Variants in USP37 observed in about 807,000 individuals in gnomAD.
USP37 encodes the protein ubiquitin specific peptidase 37.
In USP37, 27 loss-of-function variants were observed where a neutral mutation model predicts 124.0. The observed-to-expected ratio is 0.22, with a 90% CI of 0.16 to 0.30. USP37 has a LOEUF of 0.30. Ranked by LOEUF, USP37 falls within the 10% of genes least tolerant of loss-of-function variation. USP37 has a pLI of 1.00. For synonymous variants in USP37, 365 were observed against 388.0 expected, an observed-to-expected ratio of 0.94 and a Z score of 0.70; for missense variants, 889 against 1,140.4, an observed-to-expected ratio of 0.78 and a Z score of 3.17.
intron 14 of USP37, among the ~76,000 whole-genome samples, chr2:218,493,531 CATA>C (rs1688909262): frequency 6.6e-6 from 1 of 151,486 alleles, no homozygotes; most frequent in South Asian, 2.1e-4. Context: ...AGTGCAATGG[CATA>C]ATCTCAGCTT....
At chr2:218,538,027 T>A (rs1027283730) in intron 8 of USP37, among the ~76,000 whole-genome samples, 1 of 152,090 alleles carries the variant, frequency 6.6e-6, no homozygotes, top group South Asian at 2.1e-4. Flanking sequence ...CATCATAAAA[T>A]GGAAGCAGGT....
intron 14 of USP37, among the ~76,000 whole-genome samples, chr2:218,493,031 C>T (rs1164360856): frequency 1.3e-5 from 2 of 151,806 alleles, no homozygotes; most frequent in Admixed American, 1.3e-4. Flanking sequence ...TTTTTTCCCT[C>T]ATATTCAAGA....
rs1337371056 is a variant in USP37, at chr2:218,543,525, A to AAAC, written c.680+2695_680+2696insGTT. On this transcript the variant is annotated intron_variant, in intron 8 of 25. Transcript: ENST00000258399. ...TCAAAAAAAAAAAAAAAAAAAAAAAAAAACAGGACAGGCGTGGTGGCTCAT... is the reference window on the plus strand; with the variant it reads ...TCAAAAAAAAAAAAAAAAAAAAAAAAAACAAACAGGACAGGCGTGGTGGCTCAT... Among the ~76,000 whole-genome samples the AAAC allele has an allele frequency of 6.2e-5, 9 of 145,708 alleles. 1 individual carries two copies. Among genetic ancestry groups the AAAC allele is most frequent in the Non-Finnish European group, 1.2e-4 (8 of 66,150 alleles).
At chr2:218,479,374 A>G (rs894401774) in intron 18 of USP37, among the ~76,000 whole-genome samples, 8 of 152,200 alleles carry the variant, frequency 5.3e-5, no homozygotes, top group Non-Finnish European at 1.2e-4. Flanking sequence ...TTAGAGTTTT[A>G]GGATGAAAGT....
At chr2:218,455,479 A>G in intron 25 of USP37, 101 bp downstream of exon 25, 1 of 1,488,462 alleles carries the variant, frequency 6.7e-7, no homozygotes, top group Non-Finnish European at 8.9e-7. Context: ...TTTTCAACCA[A>G]TCAACTGATG....
intron 8 of USP37, among the ~76,000 whole-genome samples, chr2:218,544,430 T>TATATATAGAG (rs377397246): frequency 1.4e-4 from 7 of 50,822 alleles, no homozygotes; most frequent in African/African-American, 8.0e-4. Flanking sequence ...TATATATATA[T>TATATATAGAG]AGAGAGAGAG....
chr2:218,556,186 C>G (rs180844803), intron 4 of USP37, among the ~76,000 whole-genome samples: 64 of 152,314 alleles, frequency 4.2e-4, no homozygotes, highest in African/African-American at 1.4e-3. Flanking sequence ...ATTTCTGTTA[C>G]TCACTCCTCA....
chr2:218,484,360 G>A (rs1691432631), intron 16 of USP37, among the ~76,000 whole-genome samples: 1 of 151,802 alleles, frequency 6.6e-6, no homozygotes, highest in Admixed American at 6.6e-5. Context: ...GGTGGCTTAT[G>A]CCTATAATCC....
chr2:218,554,694 T>C (rs1312181175), intron 4 of USP37, among the ~76,000 whole-genome samples: 2 of 151,300 alleles, frequency 1.3e-5, no homozygotes, highest in African/African-American at 4.9e-5. Flanking sequence ...CTGCAGTGAG[T>C]TGAGAGTGTG....
At chr2:218,465,288 A>G (rs1372593646) in intron 21 of USP37, among the ~76,000 whole-genome samples, 1 of 151,996 alleles carries the variant, frequency 6.6e-6, no homozygotes, top group African/African-American at 2.4e-5. Flanking sequence ...ATAATGCTGG[A>G]CTGGGAAGCC....
intron 2 of USP37, among the ~76,000 whole-genome samples, chr2:218,561,652 G>GGA (rs1201087521): frequency 2.9e-5 from 4 of 135,634 alleles, no homozygotes; most frequent in Non-Finnish European, 3.2e-5. Flanking sequence ...CTCTGTCTCA[G>GGA]AAAAAAAAAA....
At chr2:218,488,175 CAAAAAAA>C (rs66581703) in intron 15 of USP37, 122 bp downstream of exon 15, 935 of 348,576 alleles carry the variant, frequency 2.7e-3, no homozygotes, top group South Asian at 5.2e-3. Context: ...GACCCTGTCT[CAAAAAAA>C]AAAAAAAAAA....
intron 8 of USP37, among the ~76,000 whole-genome samples, chr2:218,536,227 TAG>T (rs1372582732): frequency 1.3e-5 from 2 of 152,172 alleles, no homozygotes; most frequent in Non-Finnish European, 2.9e-5. Context: ...CCCATATAAG[TAG>T]AGAGTGTCCA....
chr2:218,516,083 T>C (rs1690260054), intron 10 of USP37, among the ~76,000 whole-genome samples: 1 of 152,208 alleles, frequency 6.6e-6, no homozygotes, highest in Non-Finnish European at 1.5e-5. Flanking sequence ...TTTTACACTG[T>C]TGGTGGGAGT....
chr2:218,552,475 C>T (rs1329908122), intron 5 of USP37, among the ~76,000 whole-genome samples: 2 of 152,096 alleles, frequency 1.3e-5, no homozygotes, highest in South Asian at 2.1e-4. Context: ...AGCACTTTGG[C>T]AGGCCAAGGA....
chr2:218,453,672 C>T lies in USP37; in HGVS notation c.*1258G>A, dbSNP rs1053452472. Reference sequence around the variant, plus strand: ...TGACTAGCATAGCACTTAATGTTGCCGCTCTACTTTGCCTCAACTCAGAGC... The same window carrying T: ...TGACTAGCATAGCACTTAATGTTGCTGCTCTACTTTGCCTCAACTCAGAGC... On this transcript the variant is annotated 3_prime_UTR_variant, in exon 26 of 26. Transcript: ENST00000258399. 6.6e-6 allele frequency: 1 copy of T among 152,114 alleles called. No individual in the cohort carries two copies. Among genetic ancestry groups the T allele is most frequent in the Admixed American group, 6.6e-5 (1 of 15,256 alleles). The allele number at this position is 152,114 out of a possible 1,614,324, so 9.4% of individuals were successfully genotyped here.
Position 218,547,059 on chromosome 2 carries a change from T to C in USP37, c.462A>G (p.Lys154=). 1 of 1,603,118 alleles carries C rather than the reference T, an allele frequency of 6.2e-7. No homozygotes were observed. The highest frequency in any genetic ancestry group is 8.5e-7 in the Non-Finnish European group (1 of 1,177,564). ...GAACTTTTCGAAATGGAATATCATCTTTAGTTTCCAAACTTCCTCTTTTTG... is the reference window on the plus strand; with the variant it reads ...GAACTTTTCGAAATGGAATATCATCCTTAGTTTCCAAACTTCCTCTTTTTG... ...ASAKRGSLET[K]DDIPFRKVLG... The change falls in exon 7 of 26, where the codon AAA becomes AAG. Residue 154 remains lysine, a synonymous_variant. Coordinates refer to ENST00000258399, the MANE Select transcript of USP37 (RefSeq NM_020935.3).
At chr2:218,523,036 G>A (rs1042794083) in intron 10 of USP37, among the ~76,000 whole-genome samples, 11 of 152,182 alleles carry the variant, frequency 7.2e-5, no homozygotes, top group East Asian at 3.9e-4. Context: ...AGCACTTTGG[G>A]AGGCCGAGAC....
chr2:218,508,573 C>T (rs969775438), intron 11 of USP37, among the ~76,000 whole-genome samples: 2 of 152,048 alleles, frequency 1.3e-5, no homozygotes, highest in Non-Finnish European at 2.9e-5. Flanking sequence ...TAGACAGAGA[C>T]ACAGACCCAG....
Sources: gnomAD v4.1 joint callset for allele counts (sites outside exome capture counted in the v4.1 genomes callset) on GRCh38, gnomAD v4.1.1 for gene constraint, MANE v1.5 for transcripts, NCBI Gene and HGNC (gene_info 2026-07-23, HGNC 2026-07-21) for gene names.